ANXA4: variants seen among roughly 807,000 people sequenced by gnomAD.
The protein encoded by ANXA4 is annexin A4.
Under a neutral mutation model 49.8 loss-of-function variants are expected in ANXA4, and 39 were observed. That is an observed-to-expected ratio of 0.78 (90% CI 0.61 to 1.02). The LOEUF (loss-of-function observed/expected upper bound fraction) is 1.02, where lower values mean the gene tolerates loss of function less well. Ranked by LOEUF, ANXA4 falls within the 50% of genes least tolerant of loss-of-function variation. The pLI is 0.00. For synonymous variants in ANXA4, 134 were observed against 152.5 expected (o/e 0.88, Z 0.89); for missense variants, 360 against 410.1 (o/e 0.88, Z 1.05).
At position 69,763,662 on chromosome 2, in the gene ANXA4, CT is replaced by C. The variant is rs58726825; in HGVS notation, c.-46-17840del. Among the ~76,000 whole-genome samples the C allele has an allele frequency of 7.8e-3, 1,070 of 136,594 alleles. 2 individuals carry two copies. The highest frequency in any genetic ancestry group is 0.019 in the African/African-American group (693 of 37,404). The allele number at this position is 136,594 out of a possible 152,430, so 89.6% of individuals were successfully genotyped here. A position where few individuals can be genotyped will look rare whatever the true frequency, so the allele number is the denominator to read the frequency against. ...ACTTCAGTGACCACAGGACATAATA[CT>C]TTTTTTTTTTTTTTTTTGAGATAGA... is the stretch of plus-strand genomic sequence containing the variant. On this transcript the variant is annotated intron_variant, in intron 1 of 12. Transcript: ENST00000394295.
chr2:69,694,577 T>C (rs888086937), intron 2 of ANXA4, among the ~76,000 whole-genome samples: 2 of 132,680 alleles, frequency 1.5e-5, no homozygotes, highest in African/African-American at 2.8e-5. Flanking sequence ...CCTGTGTCCA[T>C]GTGTTCTCAT....
chr2:69,699,961 C>T (rs1011531969), intron 2 of ANXA4, among the ~76,000 whole-genome samples: 2 of 152,138 alleles, frequency 1.3e-5, no homozygotes, highest in Admixed American at 6.5e-5. Flanking sequence ...CGTCCCAATG[C>T]AGTGTATAAT....
intron 2 of ANXA4, among the ~76,000 whole-genome samples, chr2:69,678,946 C>T (rs1010242621): frequency 1.3e-5 from 2 of 151,930 alleles, no homozygotes; most frequent in African/African-American, 4.8e-5. Flanking sequence ...TAGTTGTAAG[C>T]TATTTTTCTA....
chr2:69,713,315 TCC>T (rs1157589580), intron 2 of ANXA4, among the ~76,000 whole-genome samples: 9 of 152,236 alleles, frequency 5.9e-5, no homozygotes, highest in African/African-American at 1.7e-4. Flanking sequence ...TCTGGCCCTC[TCC>T]CTCCCATTCT....
intron 3 of ANXA4, among the ~76,000 whole-genome samples, chr2:69,794,350 C>G (rs1427203794): frequency 2.0e-5 from 3 of 152,176 alleles, no homozygotes; most frequent in African/African-American, 7.2e-5. Context: ...CATCCTTTGG[C>G]CACCAAGTTT....
At chr2:69,765,064 A>G (rs1412954303) in intron 1 of ANXA4, among the ~76,000 whole-genome samples, 1 of 146,022 alleles carries the variant, frequency 6.8e-6, no homozygotes. Context: ...ATTCCACTGT[A>G]TATATGTGTA....
At chr2:69,800,064 T>C (rs2312554) in intron 3 of ANXA4, among the ~76,000 whole-genome samples, 9,543 of 152,196 alleles carry the variant, frequency 0.063, 803 homozygotes, top group Admixed American at 0.21. Context: ...CTCAGAACTA[T>C]TAAGTGGTAT....
At chr2:69,810,835 G>A in intron 7 of ANXA4, 162 bp downstream of exon 7, 1 of 611,292 alleles carries the variant, frequency 1.6e-6, no homozygotes, top group Non-Finnish European at 2.9e-6. Flanking sequence ...CAGAGACTCT[G>A]GCTAATCCTG....
intron 3 of ANXA4, among the ~76,000 whole-genome samples, chr2:69,731,140 G>C (rs1233643580): frequency 6.6e-6 from 1 of 152,166 alleles, no homozygotes; most frequent in Non-Finnish European, 1.5e-5. Flanking sequence ...CATAGGGCCT[G>C]GTTCCATCCC....
chr2:69,802,109 T>C (rs1457941493), intron 3 of ANXA4, among the ~76,000 whole-genome samples: 1 of 152,174 alleles, frequency 6.6e-6, no homozygotes, highest in Admixed American at 6.5e-5. Context: ...GTCTCAAATG[T>C]CAGGCTGCAG....
At chr2:69,645,286 AG>A (rs1675964727) in intron 1 of ANXA4, among the ~76,000 whole-genome samples, 3 of 152,176 alleles carry the variant, frequency 2.0e-5, no homozygotes, top group Admixed American at 1.3e-4. Flanking sequence ...TTCCGGAGAG[AG>A]TCAGTGTTGT....
At chr2:69,731,812 G>C (rs2312549) in intron 3 of ANXA4, among the ~76,000 whole-genome samples, 86,986 of 151,834 alleles carry the variant, frequency 0.57, 25,853 homozygotes, top group East Asian at 0.71. Context: ...TGCAAATGAT[G>C]AACCTCCCTG....
chr2:69,694,927 G>A (rs1003723129), intron 2 of ANXA4, among the ~76,000 whole-genome samples: 2 of 152,094 alleles, frequency 1.3e-5, no homozygotes, highest in Non-Finnish European at 2.9e-5. Flanking sequence ...TGCCCAGGCT[G>A]TTATAAGATA....
chr2:69,797,512 A>C (rs765536164), intron 3 of ANXA4, among the ~76,000 whole-genome samples: 1 of 152,186 alleles, frequency 6.6e-6, no homozygotes, highest in African/African-American at 2.4e-5. Context: ...TAACACTTGC[A>C]TTTAAGCAAG....
intron 1 of ANXA4, among the ~76,000 whole-genome samples, chr2:69,770,115 A>G (rs1478383381): frequency 1.3e-5 from 2 of 152,358 alleles, no homozygotes; most frequent in African/African-American, 2.4e-5. Flanking sequence ...AAGATGGCCT[A>G]GTAGGCAGGC....
At chr2:69,783,683 A>G (rs980391494) in intron 2 of ANXA4, among the ~76,000 whole-genome samples, 2 of 152,178 alleles carry the variant, frequency 1.3e-5, no homozygotes, top group African/African-American at 4.8e-5. Context: ...ATATACCCAC[A>G]TAACCTACTC....
intron 2 of ANXA4, among the ~76,000 whole-genome samples, chr2:69,786,505 G>A (rs1251535868): frequency 1.3e-5 from 2 of 152,122 alleles, no homozygotes; most frequent in East Asian, 3.9e-4. Flanking sequence ...GCTTTCTACT[G>A]TACTTAGAAT....
At chr2:69,727,850 G>C (rs974825459) in intron 3 of ANXA4, among the ~76,000 whole-genome samples, 3 of 152,164 alleles carry the variant, frequency 2.0e-5, no homozygotes, top group Non-Finnish European at 4.4e-5. Flanking sequence ...ATCAAGCCAG[G>C]ATCACACATT....
At chr2:69,709,113 G>C (rs1363575201) in intron 2 of ANXA4, among the ~76,000 whole-genome samples, 2 of 152,132 alleles carry the variant, frequency 1.3e-5, no homozygotes, top group Non-Finnish European at 2.9e-5. Context: ...CTTTGTATGA[G>C]AGTAATCCCT....
Sources: gnomAD v4.1 joint callset for allele counts (sites outside exome capture counted in the v4.1 genomes callset) on GRCh38, gnomAD v4.1.1 for gene constraint, MANE v1.5 for transcripts, NCBI Gene and HGNC (gene_info 2026-07-23, HGNC 2026-07-21) for gene names.